The following LAMA4 variants were observed in gnomAD, a reference collection of about 807,000 sequenced individuals.
LAMA4 encodes the protein laminin subunit alpha-4.
Under a neutral mutation model 207.1 loss-of-function variants are expected in LAMA4, and 127 were observed. The observed-to-expected ratio is 0.61, with a 90% CI of 0.53 to 0.71. LAMA4 has a LOEUF of 0.71. Ranked by LOEUF, LAMA4 falls within the 30% of genes least tolerant of loss-of-function variation. The probability of loss-of-function intolerance (pLI) is 0.00; values close to 1 mark genes in which losing one functional copy is unlikely to be tolerated. For synonymous variants in LAMA4, 761 were observed against 816.0 expected, an observed-to-expected ratio of 0.93 and a Z score of 1.15; for missense variants, 2,093 against 2,246.5, an observed-to-expected ratio of 0.93 and a Z score of 1.38.
chr6:112,140,273 A>C (rs1243079911), intron 22 of LAMA4, among the ~76,000 whole-genome samples: 2 of 152,212 alleles, frequency 1.3e-5, no homozygotes, highest in African/African-American at 4.8e-5. Flanking sequence ...TTGGAACCCT[A>C]GATCAACTTC....
rs1306376871 is a variant in LAMA4 at position 112,184,390 on chromosome 6, G to A, written c.1077+847C>T. 5.3e-5 allele frequency among the ~76,000 whole-genome samples: 8 copies of A among 151,454 alleles called. No individual in the cohort carries two copies. In the East Asian group the frequency reaches 1.5e-3, roughly 29 times the overall value. On this transcript the variant is annotated intron_variant, in intron 9 of 38. Transcript: ENST00000230538. ...AATATGGTGCCTCGTGACTTAGTTT[G>A]TAAAATTAGTATAGCACATGGATGG...
intron 13 of LAMA4, 99 bp from the exon 14 acceptor site, chr6:112,158,979 G>T: frequency 1.2e-6 from 1 of 862,636 alleles, no homozygotes; most frequent in Non-Finnish European, 1.9e-6. Context: ...TTATTATGAA[G>T]GTCAGTAAAT....
rs1442217724 is a variant in LAMA4 at position 112,187,458 on chromosome 6, G to A, written c.958C>T (p.Leu320Phe). Residue 320 changes from leucine (L) to phenylalanine (F), a missense_variant, in exon 8 of 39, where the codon CTC (leucine) becomes TTC (phenylalanine). Coordinates refer to ENST00000230538, the MANE Select transcript of LAMA4 (RefSeq NM_001105206.3). ...HVNEINATIY[L>F]LKTKLSEREN... ...AGAACATTCCTGCGTACTTTGAGGA[G>A]GTAGATGGTGGCGTTGATTTCATTC... The A allele has an allele frequency of 1.2e-6, 2 of 1,614,106 alleles. No homozygotes were observed. The highest frequency in any genetic ancestry group is 1.1e-5 in the South Asian group (1 of 91,076).
At chr6:112,190,927 C>CCT (rs1554348587) in intron 6 of LAMA4, among the ~76,000 whole-genome samples, 1 of 92,650 alleles carries the variant, frequency 1.1e-5, no homozygotes, top group South Asian at 4.8e-4. Context: ...TTCTTTCTTT[C>CCT]TTTCTTTCTT....
At chr6:112,248,229 A>C (rs6933924) in intron 2 of LAMA4, among the ~76,000 whole-genome samples, 1 of 152,158 alleles carries the variant, frequency 6.6e-6, no homozygotes, top group Non-Finnish European at 1.5e-5. Context: ...GGCCAGGTGC[A>C]GTGGCTCATG....
intron 4 of LAMA4, among the ~76,000 whole-genome samples, chr6:112,202,194 T>C (rs4947177): frequency 0.36 from 55,171 of 151,988 alleles, 10,281 homozygotes; most frequent in Non-Finnish European, 0.39. Flanking sequence ...TCGATGAAAG[T>C]CCCAGTCAAG....
At chr6:112,150,052 T>G (rs1677796636) in intron 17 of LAMA4, among the ~76,000 whole-genome samples, 1 of 152,192 alleles carries the variant, frequency 6.6e-6, no homozygotes, top group Non-Finnish European at 1.5e-5. Context: ...GTTGCTTATA[T>G]GGTAAGAATG....
chr6:112,155,526 G>T, intron 15 of LAMA4, 39 bp downstream of exon 15: 1 of 1,612,068 alleles, frequency 6.2e-7, no homozygotes, highest in Non-Finnish European at 8.5e-7. Context: ...AAAGCCAGTG[G>T]GAAAGGCAAG....
intron 32 of LAMA4, among the ~76,000 whole-genome samples, chr6:112,121,069 C>A (rs1439301571): frequency 2.0e-5 from 3 of 151,360 alleles, no homozygotes; most frequent in African/African-American, 7.3e-5. Context: ...GCAAGCAAGA[C>A]CTTGTCTCAA....
intron 6 of LAMA4, 103 bp downstream of exon 6, chr6:112,191,533 G>C (rs1196876031): frequency 2.4e-6 from 2 of 823,748 alleles, no homozygotes; most frequent in Non-Finnish European, 4.1e-6. Flanking sequence ...AGTGACAAGG[G>C]GGCACTCACA....
rs1554339571 is a variant in LAMA4, at chr6:112,165,219, A to G, written c.1609T>C (p.Ser537Pro). The change falls in exon 13 of 39, where the codon TCT becomes CCT. Residue 537 changes from serine to proline, a missense_variant. Transcript: ENST00000230538. The part of the protein sequence containing the change: ...MEVVNMSLST[S>P]ADSLTTPRLT... ...CGAGGTGTTGTCAGAGAGTCCGCAG[A>G]TGTGCTCAGAGACATGTTCACCACT... 5 of 1,613,824 alleles carry G rather than the reference A, an allele frequency of 3.1e-6. No individual in the cohort carries two copies. Among genetic ancestry groups the G allele is most frequent in the Non-Finnish European group, 4.2e-6 (5 of 1,179,714 alleles).
intron 5 of LAMA4, among the ~76,000 whole-genome samples, chr6:112,199,827 G>A (rs1455907004): frequency 6.6e-6 from 1 of 150,376 alleles, no homozygotes; most frequent in Non-Finnish European, 1.5e-5. Flanking sequence ...GTTTTCTTTG[G>A]AAGTGAGATT....
intron 2 of LAMA4, among the ~76,000 whole-genome samples, chr6:112,250,933 G>C (rs782556625): frequency 6.6e-6 from 1 of 152,110 alleles, no homozygotes; most frequent in Non-Finnish European, 1.5e-5. Flanking sequence ...TCCTGCTATA[G>C]TGTGTGTGGT....
At chr6:112,135,408 T>C (rs1554331259) in intron 25 of LAMA4, among the ~76,000 whole-genome samples, 2 of 152,148 alleles carry the variant, frequency 1.3e-5, no homozygotes, top group African/African-American at 4.8e-5. Context: ...TCTGCAAAAA[T>C]GCTAGTCAGA....
chr6:112,214,024 A>C, intron 3 of LAMA4: 1 of 764,700 alleles, frequency 1.3e-6, no homozygotes, highest in Non-Finnish European at 2.4e-6. Flanking sequence ...GCTGAGAATG[A>C]ACGATAGGGC....
intron 6 of LAMA4, among the ~76,000 whole-genome samples, chr6:112,190,649 T>A (rs999818260): frequency 2.0e-5 from 3 of 152,208 alleles, no homozygotes; most frequent in Non-Finnish European, 2.9e-5. Context: ...ATGAATAAGA[T>A]CTGTGCGTTT....
chr6:112,217,630 C>G (rs1784703776), intron 2 of LAMA4: 1 of 151,984 alleles, frequency 6.6e-6, no homozygotes, highest in Non-Finnish European at 1.5e-5. Flanking sequence ...AAAAAACACA[C>G]ACATCAGTTC....
intron 19 of LAMA4, among the ~76,000 whole-genome samples, chr6:112,143,284 C>CTTTTTTTT (rs61620762): frequency 1.6e-5 from 2 of 124,886 alleles, no homozygotes; most frequent in African/African-American, 3.2e-5. Flanking sequence ...AAAACTAATA[C>CTTTTTTTT]TTTTTTTTTT....
chr6:112,133,022 T>C (rs1050468829), intron 27 of LAMA4, 132 bp from the exon 28 acceptor site: 2 of 995,204 alleles, frequency 2.0e-6, no homozygotes, highest in Non-Finnish European at 3.1e-6. Context: ...TTCTGGTCTA[T>C]GTTGGAATTC....
Sources: gnomAD v4.1 joint callset for allele counts (sites outside exome capture counted in the v4.1 genomes callset) on GRCh38, gnomAD v4.1.1 for gene constraint, MANE v1.5 for transcripts, NCBI Gene and HGNC (gene_info 2026-07-23, HGNC 2026-07-21) for gene names.